Variants in MAP2 observed in about 807,000 individuals in gnomAD.
MAP2 encodes microtubule associated protein 2.
MAP2 carries 14 observed loss-of-function variants against 137.6 expected under a neutral mutation model. The observed-to-expected ratio is 0.10, with a 90% confidence interval of 0.07 to 0.16. MAP2 has a LOEUF of 0.16. Ranked by LOEUF, MAP2 falls within the 10% of genes least tolerant of loss-of-function variation. The probability of loss-of-function intolerance (pLI) is 1.00; values close to 1 mark genes in which losing one functional copy is unlikely to be tolerated. For synonymous variants in MAP2, 786 were observed against 782.3 expected, an observed-to-expected ratio of 1.00 and a Z score of -0.08; for missense variants, 2,088 against 2,191.5, an observed-to-expected ratio of 0.95 and a Z score of 0.94.
At chr2:209,624,091 C>T (rs552375157) in intron 3 of MAP2, among the ~76,000 whole-genome samples, 1 of 152,244 alleles carries the variant, frequency 6.6e-6, no homozygotes, top group African/African-American at 2.4e-5. Flanking sequence ...GAGGTTCATA[C>T]AGAAGAATTG....
At chr2:209,613,097 A>C (rs530517522) in intron 3 of MAP2, among the ~76,000 whole-genome samples, 14 of 152,128 alleles carry the variant, frequency 9.2e-5, no homozygotes, top group Non-Finnish European at 1.3e-4. Context: ...ATCTCCAGAC[A>C]ATCAGTGAGA....
chr2:209,662,593 T>A (rs1371413287), intron 5 of MAP2, among the ~76,000 whole-genome samples: 1 of 152,190 alleles, frequency 6.6e-6, no homozygotes, highest in Non-Finnish European at 1.5e-5. Flanking sequence ...CTGTCATGTT[T>A]TGTCATCATA....
Position 209,696,297 on chromosome 2 carries a change from C to T in MAP2, c.4127C>T (p.Thr1376Ile). The part of the protein sequence containing the change: ...TETYDDYKDE[T>I]TIDDSIMDAD... ...ACCTATGACGATTACAAAGATGAGA[C>T]CACCATTGACGACTCCATCATGGAC... The change falls in exon 8 of 16, where the codon ACC (threonine) becomes ATC (isoleucine). Residue 1376 changes from threonine to isoleucine, a missense_variant. Physicochemically the swap from Thr to Ile is moderately conservative, Grantham distance 89. Coordinates refer to ENST00000682079, the MANE Select transcript of MAP2 (RefSeq NM_001375505.1). 1 of 1,596,034 alleles carries T rather than the reference C, an allele frequency of 6.3e-7. No individual in the cohort carries two copies. Among genetic ancestry groups the T allele is most frequent in the Non-Finnish European group, 8.5e-7 (1 of 1,174,206 alleles).
At chr2:209,592,286 C>T (rs1483386193) in intron 3 of MAP2, among the ~76,000 whole-genome samples, 1 of 152,094 alleles carries the variant, frequency 6.6e-6, no homozygotes, top group African/African-American at 2.4e-5. Context: ...AATGAATAGG[C>T]ACGGCTGTGT....
At position 209,551,426 on chromosome 2, in the gene MAP2, C is replaced by G. The variant is rs560097949; in HGVS notation, c.-171-28610C>G. Among the ~76,000 whole-genome samples, 5 of 152,228 alleles carry G rather than the reference C, an allele frequency of 3.3e-5. No homozygotes were observed. In the East Asian group the frequency reaches 9.7e-4, roughly 29 times the overall value. On this transcript the variant is annotated intron_variant, in intron 2 of 15. Transcript: ENST00000682079. ...AGTGCATTATTCACCCTAGAAAGCT[C>G]ATTGCATTCACTTGATAAGATACAT...
chr2:209,483,009 A>G (rs370354410), intron 1 of MAP2, among the ~76,000 whole-genome samples: 1 of 152,180 alleles, frequency 6.6e-6, no homozygotes, highest in Non-Finnish European at 1.5e-5. Flanking sequence ...TTAGAACATG[A>G]CATTATATGT....
intron 13 of MAP2, among the ~76,000 whole-genome samples, chr2:209,725,504 A>C (rs1368209561): frequency 6.6e-6 from 1 of 152,076 alleles, no homozygotes; most frequent in African/African-American, 2.4e-5. Context: ...GTTTTCTTTC[A>C]CTTGGGTTCT....
rs192653607 is a variant in MAP2 at position 209,703,287 on chromosome 2, C to T, written c.4585-2293C>T. 5.3e-3 allele frequency among the ~76,000 whole-genome samples: 802 copies of T among 152,112 alleles called. 14 individuals are homozygous for T. The highest frequency in any genetic ancestry group is 0.018 in the African/African-American group (748 of 41,510). Reference sequence around the variant, plus strand: ...ATTCTGTTGAAGTCAATGTAGATGACGTGAAAATAAATTTTCTCAATCTTT... The same window carrying T: ...ATTCTGTTGAAGTCAATGTAGATGATGTGAAAATAAATTTTCTCAATCTTT... On this transcript the variant is annotated intron_variant, in intron 11 of 15. Coordinates refer to ENST00000682079, the MANE Select transcript of MAP2 (RefSeq NM_001375505.1).
intron 3 of MAP2, among the ~76,000 whole-genome samples, chr2:209,623,848 A>T (rs2091778930): frequency 6.6e-6 from 1 of 152,202 alleles, no homozygotes; most frequent in South Asian, 2.1e-4. Flanking sequence ...GAATTCTACC[A>T]TGTTTCTTCT....
intron 11 of MAP2, chr2:209,705,235 A>G (rs201870104): frequency 6.0e-6 from 1 of 166,244 alleles, no homozygotes; most frequent in Non-Finnish European, 1.3e-5. Flanking sequence ...AGCTACTCTC[A>G]GTCCTTTCTG....
intron 13 of MAP2, among the ~76,000 whole-genome samples, chr2:209,720,941 T>C (rs1230663917): frequency 5.3e-5 from 8 of 151,868 alleles, no homozygotes; most frequent in African/African-American, 9.7e-5. Context: ...TATAACTCTT[T>C]GATTTTTTTT....
At chr2:209,663,359 G>A (rs564507385) in intron 5 of MAP2, among the ~76,000 whole-genome samples, 1 of 152,210 alleles carries the variant, frequency 6.6e-6, no homozygotes, top group Non-Finnish European at 1.5e-5. Context: ...ACCTGGCATC[G>A]TGAGTCCTGG....
intron 3 of MAP2, among the ~76,000 whole-genome samples, chr2:209,592,262 A>G (rs2079466461): frequency 6.6e-6 from 1 of 152,184 alleles, no homozygotes; most frequent in Admixed American, 6.6e-5. Flanking sequence ...AAAAGAAACC[A>G]TAGATAATAA....
At chr2:209,517,116 C>CT (rs1257252892) in intron 2 of MAP2, among the ~76,000 whole-genome samples, 2 of 152,116 alleles carry the variant, frequency 1.3e-5, no homozygotes, top group Non-Finnish European at 2.9e-5. Context: ...CCAAGTTTCT[C>CT]TATCAGGCAT....
At chr2:209,513,536 C>G (rs2062024600) in intron 2 of MAP2, among the ~76,000 whole-genome samples, 1 of 146,860 alleles carries the variant, frequency 6.8e-6, no homozygotes, top group East Asian at 2.0e-4. Flanking sequence ...CATATGAAGA[C>G]TATAGAGCTA....
intron 3 of MAP2, among the ~76,000 whole-genome samples, chr2:209,584,843 CAGA>C (rs897440066): frequency 6.2e-4 from 95 of 152,066 alleles, no homozygotes; most frequent in Admixed American, 6.2e-3. Context: ...GAATGAACAG[CAGA>C]AGGACTCAAA....
chr2:209,692,982 C>A lies in MAP2; in HGVS notation c.812C>A (p.Thr271Lys), dbSNP rs547929820. 3 of 1,611,988 alleles carry A rather than the reference C, an allele frequency of 1.9e-6. No individual in the cohort carries two copies. Among genetic ancestry groups the A allele is most frequent in the Admixed American group, 3.4e-5 (2 of 59,408 alleles). Residue 271 changes from threonine to lysine, a missense_variant, in exon 8 of 16, where the codon ACG becomes AAG. Coordinates refer to ENST00000682079, the MANE Select transcript of MAP2 (RefSeq NM_001375505.1). ...EQKDWFIEMP[T>K]EAKKDEWGLV... ...AAGGACTGGTTCATCGAAATGCCAACGGAAGCAAAAAAGGATGAGTGGGGT... is the reference window on the plus strand; with the variant it reads ...AAGGACTGGTTCATCGAAATGCCAAAGGAAGCAAAAAAGGATGAGTGGGGT...
chr2:209,507,805 T>C (rs1235021424), intron 2 of MAP2, among the ~76,000 whole-genome samples, 164 bp downstream of exon 2: 6 of 152,138 alleles, frequency 3.9e-5, no homozygotes, highest in Admixed American at 6.6e-5. Flanking sequence ...GCAAACATGG[T>C]TCCCTAAGTA....
intron 1 of MAP2, among the ~76,000 whole-genome samples, chr2:209,445,634 A>G (rs573183027): frequency 1.3e-5 from 2 of 151,768 alleles, no homozygotes; most frequent in South Asian, 2.1e-4. Flanking sequence ...TTTATGTAAC[A>G]TCTTAACTAC....
Sources: allele counts gnomAD v4.1 joint callset (sites outside exome capture counted in the v4.1 genomes callset), GRCh38; gene constraint gnomAD v4.1.1; transcripts MANE v1.5; gene names NCBI Gene and HGNC (gene_info 2026-07-23, HGNC 2026-07-21).